The following YY1AP1 variants were observed in gnomAD, a reference collection of about 807,000 sequenced individuals.
YY1AP1 encodes YY1-associated protein 1.
A neutral mutation model predicts 39.9 loss-of-function variants in YY1AP1; 43 were observed. The observed-to-expected ratio is 1.08, with a 90% confidence interval of 0.84 to 1.39. YY1AP1 has a LOEUF of 1.39. Among genes scored for constraint, YY1AP1 ranks in the 40% most tolerant of loss-of-function variants. The pLI is 0.00. For synonymous variants in YY1AP1, 292 were observed against 331.3 expected (o/e 0.88, Z 1.29); for missense variants, 813 against 900.7 (o/e 0.90, Z 1.25).
At position 155,688,766 on chromosome 1, in the gene YY1AP1, C is replaced by A; in HGVS notation, c.-259G>T. The A allele has an allele frequency of 6.5e-7, 1 of 1,528,476 alleles. No homozygotes were observed. The highest frequency in any genetic ancestry group is 8.8e-7 in the Non-Finnish European group (1 of 1,141,756). The allele number at this position is 1,528,476 out of a possible 1,614,324, so 94.7% of individuals were successfully genotyped here. A position where few individuals can be genotyped will look rare whatever the true frequency, so the allele number is the denominator to read the frequency against. ...GCCAAAGCAGCCGCCGCCAGCACCC[C>A]CACCCTACACTCCTCGCGCGTGCGC... On this transcript the variant is annotated 5_prime_UTR_variant, in exon 1 of 11. Transcript: ENST00000355499.
chr1:155,681,285 C>A (rs553261912), intron 2 of YY1AP1, among the ~76,000 whole-genome samples: 3 of 150,988 alleles, frequency 2.0e-5, no homozygotes, highest in Non-Finnish European at 4.4e-5. Flanking sequence ...CCACCTCAGC[C>A]TCCCAAAGTG....
At chr1:155,667,498 T>TAA (rs74589200) in intron 9 of YY1AP1, among the ~76,000 whole-genome samples, 9 of 128,452 alleles carry the variant, frequency 7.0e-5, no homozygotes, top group East Asian at 2.2e-4. Flanking sequence ...AACCTGTCTC[T>TAA]AAAAAAAAAA....
Position 155,670,477 on chromosome 1 carries a change from A to T in YY1AP1, c.584-13T>A. 6.2e-7 allele frequency: 1 copy of T among 1,613,384 alleles called. No individual in the cohort carries two copies. Among genetic ancestry groups the T allele is most frequent in the Non-Finnish European group, 8.5e-7 (1 of 1,179,824 alleles). ...GGAAATTCATTGGCTATAAGAAAAT[A>T]AATCTCTGATAAATCAACTTCTAGG... On this transcript the variant is annotated splice_polypyrimidine_tract_variant and intron_variant, in intron 7 of 10. Coordinates refer to ENST00000355499, the MANE Select transcript of YY1AP1 (RefSeq NM_139119.3).
chr1:155,668,162 C>T (rs1649319363), intron 9 of YY1AP1, among the ~76,000 whole-genome samples: 2 of 151,656 alleles, frequency 1.3e-5, no homozygotes, highest in African/African-American at 2.4e-5. Flanking sequence ...ATTAGCTGAG[C>T]GTGGTGGGCA....
intron 8 of YY1AP1, among the ~76,000 whole-genome samples, chr1:155,669,969 G>A (rs900799791): frequency 2.0e-5 from 3 of 152,162 alleles, no homozygotes; most frequent in African/African-American, 7.2e-5. Flanking sequence ...AGGCTGCAGT[G>A]AGCTGTGATT....
chr1:155,668,875 T>G, intron 8 of YY1AP1, 98 bp from the exon 9 acceptor site: 1 of 1,572,984 alleles, frequency 6.4e-7, no homozygotes, highest in Non-Finnish European at 8.7e-7. Flanking sequence ...TTTTCTTACT[T>G]GTTCTTAAAA....
intron 4 of YY1AP1, among the ~76,000 whole-genome samples, chr1:155,678,596 A>G (rs1651060769): frequency 6.6e-6 from 1 of 152,150 alleles, no homozygotes; most frequent in Non-Finnish European, 1.5e-5. Context: ...TTGTATTGTG[A>G]TATTTGTTGT....
At chr1:155,686,026 C>CTTTT (rs768966023) in intron 2 of YY1AP1, among the ~76,000 whole-genome samples, 8 of 76,340 alleles carry the variant, frequency 1.0e-4, no homozygotes, top group East Asian at 5.3e-4. Context: ...TGAAATCAGT[C>CTTTT]TTTTTTTTTT....
chr1:155,675,090 G>C lies in YY1AP1; in HGVS notation c.331C>G (p.Gln111Glu). 6.2e-7 allele frequency: 1 copy of C among 1,613,424 alleles called. No homozygotes were observed. Among genetic ancestry groups the C allele is most frequent in the Non-Finnish European group, 8.5e-7 (1 of 1,179,586 alleles). ...AGAAGGTGGATTTGTGTCAAGAGCTGAACATGCTGGGGAGAGAAAGAAAAT... is the reference window on the plus strand; with the variant it reads ...AGAAGGTGGATTTGTGTCAAGAGCTCAACATGCTGGGGAGAGAAAGAAAAT... ...RLQQQMQQHVQLLTQIHLLAT... is the reference protein window; with the variant it reads ...RLQQQMQQHVELLTQIHLLAT... The change falls in exon 6 of 11, where the codon CAG (glutamine) becomes GAG (glutamate). Residue 111 changes from glutamine to glutamate, a missense_variant. Gln to Glu is a conservative substitution (Grantham distance 29). This residue lies in a region of YY1AP1 where 196 missense variants were observed against 189.7 expected (regional missense o/e 1.03). Transcript: ENST00000355499.
intron 9 of YY1AP1, among the ~76,000 whole-genome samples, chr1:155,663,631 A>G (rs1648506200): frequency 6.6e-6 from 1 of 151,912 alleles, no homozygotes; most frequent in Non-Finnish European, 1.5e-5. Context: ...AAACAGGACA[A>G]TTGCTTGAAC....
At chr1:155,682,184 C>T (rs962141864) in intron 2 of YY1AP1, among the ~76,000 whole-genome samples, 12 of 151,938 alleles carry the variant, frequency 7.9e-5, no homozygotes, top group African/African-American at 2.7e-4. Context: ...TATTCAAAGT[C>T]GAAATGATTA....
At chr1:155,661,053 C>A in intron 10 of YY1AP1, 140 bp from the exon 11 acceptor site, 2 of 1,500,650 alleles carry the variant, frequency 1.3e-6, no homozygotes, top group Non-Finnish European at 9.0e-7. Context: ...ACAAAGACCA[C>A]AGTCCAATTA....
chr1:155,675,950 G>A (rs1021736938), intron 5 of YY1AP1, among the ~76,000 whole-genome samples: 4 of 152,170 alleles, frequency 2.6e-5, no homozygotes, highest in Non-Finnish European at 4.4e-5. Flanking sequence ...AAGGCCGGGC[G>A]CAGTGACTCA....
At chr1:155,660,969 T>C (rs778520658) in intron 10 of YY1AP1, 56 bp from the exon 11 acceptor site, 4 of 1,611,850 alleles carry the variant, frequency 2.5e-6, no homozygotes, top group East Asian at 2.2e-5. Flanking sequence ...GGAAAAAGAA[T>C]AGGACTTTCT....
intron 2 of YY1AP1, among the ~76,000 whole-genome samples, chr1:155,680,946 G>A (rs919478028): frequency 1.3e-5 from 2 of 151,946 alleles, no homozygotes; most frequent in Non-Finnish European, 2.9e-5. Flanking sequence ...TGGGATATAT[G>A]AGAGAATGAG....
intron 8 of YY1AP1, 113 bp downstream of exon 8, chr1:155,670,207 C>A (rs147260580): frequency 1.1e-5 from 16 of 1,456,156 alleles, no homozygotes; most frequent in Non-Finnish European, 1.5e-5. Flanking sequence ...CTCATCTATA[C>A]TGCTTTTCCT....
rs918513816 is a variant in YY1AP1, at chr1:155,659,736, T to C, written c.2174A>G (p.Asn725Ser). 1 of 1,613,770 alleles carries C rather than the reference T, an allele frequency of 6.2e-7. No homozygotes were observed. The highest frequency in any genetic ancestry group is 1.3e-5 in the African/African-American group (1 of 74,800). ...LPQGIQESLN[N>S]SSPGDLEEVV... is the part of the protein sequence containing the mutation. ...TTCCTCTAAATCCCCAGGGGAAGAGTTGTTTAGAGACTCCTGGATGCCCTG... is the reference window on the plus strand; with the variant it reads ...TTCCTCTAAATCCCCAGGGGAAGAGCTGTTTAGAGACTCCTGGATGCCCTG... Residue 725 changes from asparagine (N) to serine (S), a missense_variant, in exon 11 of 11, where the codon AAC becomes AGC. By Grantham distance (46) the Asn-to-Ser change is conservative (BLOSUM62 1). Coordinates refer to ENST00000355499, the MANE Select transcript of YY1AP1 (RefSeq NM_139119.3).
intron 2 of YY1AP1, among the ~76,000 whole-genome samples, chr1:155,687,314 G>A: frequency 6.8e-6 from 1 of 146,242 alleles, no homozygotes; most frequent in Non-Finnish European, 1.5e-5. Context: ...TGACCTCACA[G>A]ACACATGCTG....
intron 2 of YY1AP1, among the ~76,000 whole-genome samples, chr1:155,681,151 C>T (rs1651461771): frequency 6.6e-6 from 1 of 151,382 alleles, no homozygotes; most frequent in African/African-American, 2.4e-5. Context: ...CTGCCTCAGC[C>T]TCCCAAGTAG....
Sources: gnomAD v4.1 joint callset for allele counts (sites outside exome capture counted in the v4.1 genomes callset) on GRCh38, gnomAD v4.1.1 for gene constraint, gnomAD v4.1.1 regional missense constraint, MANE v1.5 for transcripts, NCBI Gene and HGNC (gene_info 2026-07-23, HGNC 2026-07-21) for gene names.